The following ANKMY1 variants were observed in gnomAD, a reference collection of about 807,000 sequenced individuals.
ANKMY1 encodes the protein ankyrin repeat and MYND domain-containing protein 1.
In ANKMY1, 98 loss-of-function variants were observed where a neutral mutation model predicts 102.0. The ratio of observed to expected loss-of-function variants is 0.96; its 90% CI spans 0.82 to 1.14. ANKMY1 has a LOEUF of 1.14. Among genes scored for constraint, ANKMY1 ranks in the 50% most tolerant of loss-of-function variants. The pLI is 0.00. For missense variants in ANKMY1, 1,330 were observed against 1,347.6 expected (o/e 0.99, Z 0.20); for synonymous variants, 582 against 559.9 (o/e 1.04, Z -0.56).
chr2:240,487,357 C>T (rs1375970136), intron 15 of ANKMY1, among the ~76,000 whole-genome samples: 2 of 152,206 alleles, frequency 1.3e-5, no homozygotes, highest in African/African-American at 2.4e-5. Context: ...ATATATACCA[C>T]ATTTTCTTTA....
At position 240,479,617 on chromosome 2, in the gene ANKMY1, ATTC is replaced by A. The variant is rs767372171; in HGVS notation, c.3082_3084del (p.Glu1028del). On this transcript the variant is annotated inframe_deletion, in exon 18 of 18. Transcript: ENST00000401804. ...GACGTGCAGCTGCTGCTTCACTGGA[ATTC>A]TTCTCTCCTCCTGGAAACTTGCTCC... 21 of 1,613,836 alleles carry A rather than the reference ATTC, an allele frequency of 1.3e-5. 2 individuals are homozygous for A. In the Middle Eastern group the frequency reaches 5.0e-4, roughly 38 times the overall value.
intron 2 of ANKMY1, 142 bp from the exon 3 acceptor site, chr2:240,555,197 C>T (rs950835629): frequency 1.2e-6 from 1 of 862,262 alleles, no homozygotes; most frequent in African/African-American, 1.7e-5. Flanking sequence ...CCCCACTCCA[C>T]TTGGAGAGAA....
Position 240,526,375 on chromosome 2 carries a change from A to T in ANKMY1, c.1024T>A (p.Cys342Ser). The part of the protein sequence containing the change: ...LEGKRSGFAP[C>S]GPKEQLSMEM... ...ATGGAAAGTTGCTCTTTGGGCCCAC[A>T]GGGTGCAAAGCCACTGCGCTTCCCC... The change falls in exon 6 of 18, where the codon TGT (cysteine) becomes AGT (serine). Residue 342 changes from cysteine (C) to serine (S), a missense_variant. Physicochemically the swap from Cys to Ser is moderately radical, Grantham distance 112. Transcript: ENST00000401804. 6.2e-7 allele frequency: 1 copy of T among 1,614,206 alleles called. No homozygotes were observed. The highest frequency in any genetic ancestry group is 1.3e-5 in the African/African-American group (1 of 75,056).
intron 13 of ANKMY1, among the ~76,000 whole-genome samples, chr2:240,505,595 G>A (rs1479380033): frequency 6.6e-6 from 1 of 152,182 alleles, no homozygotes; most frequent in Non-Finnish European, 1.5e-5. Context: ...GGAGGGCAGG[G>A]GAGACAGAGA....
intron 12 of ANKMY1, 140 bp from the exon 13 acceptor site, chr2:240,507,831 G>T: frequency 1.9e-6 from 2 of 1,054,292 alleles, no homozygotes; most frequent in Non-Finnish European, 2.6e-6. Flanking sequence ...CCTTCCCACG[G>T]ATCCTACCCA....
intron 9 of ANKMY1, among the ~76,000 whole-genome samples, chr2:240,515,119 A>G (rs945126284): frequency 1.3e-5 from 2 of 152,262 alleles, no homozygotes; most frequent in African/African-American, 4.8e-5. Flanking sequence ...TCTGAGGGAT[A>G]AAACTAGTTC....
At chr2:240,494,992 T>C (rs972232109) in intron 15 of ANKMY1, among the ~76,000 whole-genome samples, 1 of 151,796 alleles carries the variant, frequency 6.6e-6, no homozygotes, top group African/African-American at 2.4e-5. Context: ...TATTCCAATA[T>C]TGTAATAATC....
chr2:240,503,347 T>G (rs2078536481), intron 13 of ANKMY1, among the ~76,000 whole-genome samples: 1 of 152,214 alleles, frequency 6.6e-6, no homozygotes, highest in Non-Finnish European at 1.5e-5. Context: ...TGGAGGGGAC[T>G]TTCTGAAGGT....
In ANKMY1 at chr2:240,502,546, C is replaced by T. The variant is rs1401775116; in HGVS notation, c.2527-1981G>A. Reference sequence around the variant, plus strand: ...GTGCTTTGGCCTGAGGCTTTCTCGCCCCAGGTCCCATGTCCTCACCCCTTC... The same window carrying T: ...GTGCTTTGGCCTGAGGCTTTCTCGCTCCAGGTCCCATGTCCTCACCCCTTC... On this transcript the variant is annotated intron_variant, in intron 13 of 17. Coordinates refer to ENST00000401804, the MANE Select transcript of ANKMY1 (RefSeq NM_001282771.3). 2.0e-5 allele frequency among the ~76,000 whole-genome samples: 3 copies of T among 152,068 alleles called. No homozygotes were observed. The East Asian group carries it at 5.8e-4, about 30-fold the overall frequency.
chr2:240,500,369 C>A (rs1206925068), intron 14 of ANKMY1, 83 bp downstream of exon 14: 15 of 1,417,488 alleles, frequency 1.1e-5, no homozygotes, highest in Non-Finnish European at 1.5e-5. Flanking sequence ...CCAGCTTTGC[C>A]CCAGAGAAGC....
chr2:240,544,108 A>G (rs2089700488), intron 4 of ANKMY1, among the ~76,000 whole-genome samples: 1 of 152,236 alleles, frequency 6.6e-6, no homozygotes, highest in Non-Finnish European at 1.5e-5. Context: ...GAAACAAAGT[A>G]GAAAGGAACC....
In ANKMY1 at chr2:240,512,906, G is replaced by A. The variant is rs1271525697; in HGVS notation, c.2041C>T (p.Leu681Phe). 1.9e-6 allele frequency: 3 copies of A among 1,613,988 alleles called. No homozygotes were observed. The highest frequency in any genetic ancestry group is 1.7e-5 in the Admixed American group (1 of 59,994). Residue 681 changes from leucine (L) to phenylalanine (F), a missense_variant, in exon 10 of 18, where the codon CTT becomes TTT. Leu to Phe is a conservative substitution (Grantham distance 22). Transcript: ENST00000401804. ...TLTPLHIAAA[L>F]PGEEGVQIVE... ...ATCTGTACCCCCTCCTCCCCAGGAAGGGCGGCAGCGATGTGGAGTGGTGTC... is the reference window on the plus strand; with the variant it reads ...ATCTGTACCCCCTCCTCCCCAGGAAAGGCGGCAGCGATGTGGAGTGGTGTC...
intron 2 of ANKMY1, among the ~76,000 whole-genome samples, chr2:240,556,050 T>G (rs188908456): frequency 1.3e-5 from 2 of 152,274 alleles, no homozygotes; most frequent in African/African-American, 4.8e-5. Context: ...CGCCTTCTCA[T>G]TGGCTCCCCA....
upstream of ANKMY1, among the ~76,000 whole-genome samples, chr2:240,559,286 G>C (rs1298353632): frequency 1.3e-5 from 2 of 152,212 alleles, no homozygotes; most frequent in African/African-American, 2.4e-5. Context: ...GATGATTCAT[G>C]AAACAGTCCA....
At chr2:240,560,381 G>C (rs1346989513), upstream of ANKMY1, 2 of 271,368 alleles carry the variant, frequency 7.4e-6, no homozygotes, top group Non-Finnish European at 1.4e-5. Flanking sequence ...AGTGCCACAG[G>C]CCGCGGGGGC....
At chr2:240,561,058 G>A (rs889680518), upstream of ANKMY1, 5 of 1,497,902 alleles carry the variant, frequency 3.3e-6, no homozygotes, top group Admixed American at 2.4e-5. Context: ...CGCGGCCTCA[G>A]CCTGGCGAAG....
chr2:240,524,133 C>T lies in ANKMY1; in HGVS notation c.1584G>A (p.Lys528=), dbSNP rs770341528. Residue 528 remains lysine, a synonymous_variant, in exon 8 of 18, where the codon AAG becomes AAA. Transcript: ENST00000401804. ...CGCTTTCCACATGGCCAAGGCTGCC[C>T]TTCACCAACGGGGAGTCCCCCTTCA... ...SSLKGDSPLV[K]GSLGHVESGL... is the part of the protein sequence containing the mutation. The T allele has an allele frequency of 1.2e-6, 2 of 1,614,054 alleles. No homozygotes were observed. The highest frequency in any genetic ancestry group is 2.2e-5 in the South Asian group (2 of 91,086).
At chr2:240,526,656 G>C in intron 5 of ANKMY1, 4 of 1,433,158 alleles carry the variant, frequency 2.8e-6, no homozygotes, top group Non-Finnish European at 3.6e-6. Context: ...ATGCCACCTG[G>C]AGGTCAAGAT....
At position 240,520,572 on chromosome 2, in the gene ANKMY1, G is replaced by A; in HGVS notation, c.1833-39C>T. 1 of 1,587,496 alleles carries A rather than the reference G, an allele frequency of 6.3e-7. No individual in the cohort carries two copies. The highest frequency in any genetic ancestry group is 8.6e-7 in the Non-Finnish European group (1 of 1,166,788). The stretch of plus-strand genomic sequence containing the variant: ...TGCGCCCGTGGGCCCCTGGAGGGCA[G>A]GCACCTGCACTGCGCCCAGAACGGG... On this transcript the variant is annotated intron_variant, in intron 8 of 17. Coordinates refer to ENST00000401804, the MANE Select transcript of ANKMY1 (RefSeq NM_001282771.3). The surrounding 1 kb of genome is among the most constrained non-coding windows in gnomAD (Gnocchi z 4.8).
Sources: gnomAD v4.1 joint callset for allele counts (sites outside exome capture counted in the v4.1 genomes callset) on GRCh38, gnomAD v4.1.1 for gene constraint, Gnocchi (gnomAD v3.1) non-coding constraint, MANE v1.5 for transcripts, NCBI Gene and HGNC (gene_info 2026-07-23, HGNC 2026-07-21) for gene names.